PTPRD: variants seen among roughly 807,000 people sequenced by gnomAD.
The protein encoded by PTPRD is receptor-type tyrosine-protein phosphatase delta.
In PTPRD, 34 loss-of-function variants were observed where a neutral mutation model predicts 214.5. The ratio of observed to expected loss-of-function variants is 0.16; its 90% confidence interval spans 0.12 to 0.21. PTPRD has a LOEUF of 0.21. Among genes scored for constraint, PTPRD ranks in the 10% least tolerant of loss-of-function variants. The probability of loss-of-function intolerance (pLI) is 1.00; values close to 1 mark genes in which losing one functional copy is unlikely to be tolerated. For synonymous variants in PTPRD, 1,128 were observed against 845.7 expected, an observed-to-expected ratio of 1.33 and a Z score of -5.79; for missense variants, 2,545 against 2,398.7, an observed-to-expected ratio of 1.06 and a Z score of -1.27.
rs140952833 is a variant in PTPRD at position 9,145,998 on chromosome 9, G to C, written c.-143+37306C>G. On this transcript the variant is annotated intron_variant, in intron 10 of 45. Coordinates refer to ENST00000381196, the MANE Select transcript of PTPRD (RefSeq NM_002839.4). ...GGAAACAAGTGCCTGATGGCGCTTTGACCTAACTACTTCTTTGTCCACTCC... is the reference window on the plus strand; with the variant it reads ...GGAAACAAGTGCCTGATGGCGCTTTCACCTAACTACTTCTTTGTCCACTCC... Among the ~76,000 whole-genome samples the C allele has an allele frequency of 7.3e-3, 1,116 of 152,270 alleles. 15 individuals carry two copies. The highest frequency in any genetic ancestry group is 0.026 in the African/African-American group (1,084 of 41,542).
intron 10 of PTPRD, among the ~76,000 whole-genome samples, chr9:9,039,709 A>C (rs2099633302): frequency 6.6e-6 from 1 of 152,206 alleles, no homozygotes; most frequent in Non-Finnish European, 1.5e-5. Context: ...ATGCTCACCC[A>C]ACAATATTTT....
intron 11 of PTPRD, among the ~76,000 whole-genome samples, chr9:8,821,069 A>G (rs1446421355): frequency 2.0e-5 from 3 of 152,188 alleles, no homozygotes; most frequent in African/African-American, 7.2e-5. Flanking sequence ...GCATCAGAAA[A>G]TAAGTGAAAA....
chr9:8,399,824 G>C (rs2092056849), intron 36 of PTPRD, among the ~76,000 whole-genome samples: 1 of 152,164 alleles, frequency 6.6e-6, no homozygotes, highest in Admixed American at 6.5e-5. Context: ...GGGAAGAACA[G>C]CTGCCTTGAG....
chr9:9,599,450 G>A (rs651116), intron 7 of PTPRD, among the ~76,000 whole-genome samples: 1 of 151,790 alleles, frequency 6.6e-6, no homozygotes, highest in African/African-American at 2.4e-5. Context: ...CACCATAACA[G>A]TGTTGGGCTT....
chr9:9,835,610 C>G (rs993683653), intron 5 of PTPRD, among the ~76,000 whole-genome samples: 6 of 152,126 alleles, frequency 3.9e-5, no homozygotes, highest in African/African-American at 1.4e-4. Flanking sequence ...ACAAATAGCT[C>G]TTGGCCTGCA....
At chr9:10,606,366 T>G (rs1392770299) in intron 2 of PTPRD, among the ~76,000 whole-genome samples, 1 of 151,786 alleles carries the variant, frequency 6.6e-6, no homozygotes. Flanking sequence ...TGAGTAGAAT[T>G]TCTAACTTTG....
chr9:9,653,410 T>G (rs576326639), intron 7 of PTPRD, among the ~76,000 whole-genome samples: 18 of 117,232 alleles, frequency 1.5e-4, no homozygotes, highest in African/African-American at 5.2e-4. Context: ...ATTTTACGCC[T>G]AAAGAAAATA....
At chr9:8,762,676 G>A (rs1335785330) in intron 11 of PTPRD, among the ~76,000 whole-genome samples, 2 of 152,090 alleles carry the variant, frequency 1.3e-5, no homozygotes, top group African/African-American at 4.8e-5. Context: ...AATATTTATG[G>A]GTTTTCTCCT....
chr9:8,411,273 T>C lies in PTPRD; in HGVS notation c.4087-6613A>G, dbSNP rs191270203. Among the ~76,000 whole-genome samples, 186 of 152,032 alleles carry C rather than the reference T, an allele frequency of 1.2e-3. 1 individual carries two copies. Among genetic ancestry groups the C allele is most frequent in the African/African-American group, 4.4e-3 (182 of 41,534 alleles). The stretch of plus-strand genomic sequence containing the variant: ...ATTTAAATAACTAGATTTTTTACTA[T>C]ATACTTTTTTAAAATTTTTTATTTA... On this transcript the variant is annotated intron_variant, in intron 35 of 45. Transcript: ENST00000381196.
intron 2 of PTPRD, among the ~76,000 whole-genome samples, 190 bp downstream of exon 2, chr9:10,612,208 C>CAAAAAAAAA: frequency 7.9e-6 from 1 of 126,760 alleles, no homozygotes; most frequent in Non-Finnish European, 1.6e-5. Flanking sequence ...AGGGCTCTTC[C>CAAAAAAAAA]AAAAAAAAAA....
intron 5 of PTPRD, among the ~76,000 whole-genome samples, chr9:9,790,495 T>C (rs2098959640): frequency 6.6e-6 from 1 of 152,226 alleles, no homozygotes; most frequent in Non-Finnish European, 1.5e-5. Context: ...CTGCCTGATT[T>C]CAGTGGCTTT....
At chr9:9,440,014 T>A (rs1345159786) in intron 8 of PTPRD, among the ~76,000 whole-genome samples, 1 of 152,172 alleles carries the variant, frequency 6.6e-6, no homozygotes, top group African/African-American at 2.4e-5. Flanking sequence ...ACCTCCAGCT[T>A]CATGAAAGCA....
intron 7 of PTPRD, among the ~76,000 whole-genome samples, chr9:9,610,547 C>A (rs1474701638): frequency 1.3e-5 from 2 of 151,966 alleles, no homozygotes; most frequent in South Asian, 2.1e-4. Context: ...ATTAGTGAGA[C>A]CAGTATGCTA....
intron 14 of PTPRD, among the ~76,000 whole-genome samples, chr9:8,548,109 A>C (rs2080806289): frequency 6.6e-6 from 1 of 152,210 alleles, no homozygotes; most frequent in East Asian, 1.9e-4. Context: ...CATGAATATA[A>C]TTTTGATAGA....
chr9:8,322,056 T>A (rs1429140706), intron 44 of PTPRD, among the ~76,000 whole-genome samples: 1 of 152,120 alleles, frequency 6.6e-6, no homozygotes, highest in Non-Finnish European at 1.5e-5. Context: ...TGCAATTGGT[T>A]TGGGGTGCCA....
intron 3 of PTPRD, among the ~76,000 whole-genome samples, chr9:10,270,190 C>A (rs984592232): frequency 6.6e-6 from 1 of 151,992 alleles, no homozygotes; most frequent in African/African-American, 2.4e-5. Context: ...TTTTTAAAAT[C>A]TTTAATTCAT....
intron 14 of PTPRD, among the ~76,000 whole-genome samples, chr9:8,586,192 T>A (rs1191380748): frequency 6.6e-6 from 1 of 152,084 alleles, no homozygotes; most frequent in Non-Finnish European, 1.5e-5. Flanking sequence ...CCCAGCTACT[T>A]CGGAGGTTGA....
Position 8,789,558 on chromosome 9 carries a change from G to C in PTPRD, c.-103-55612C>G, listed in dbSNP as rs1284189534. On this transcript the variant is annotated intron_variant, in intron 11 of 45. Coordinates refer to ENST00000381196, the MANE Select transcript of PTPRD (RefSeq NM_002839.4). Reference sequence around the variant, plus strand: ...CTGTCTTCTTTGGTGTTTGTTTTTAGCTAGTTCAAGTTTAAATTCCGTTAT... The same window carrying C: ...CTGTCTTCTTTGGTGTTTGTTTTTACCTAGTTCAAGTTTAAATTCCGTTAT... 2.6e-5 allele frequency among the ~76,000 whole-genome samples: 4 copies of C among 152,190 alleles called. No individual in the cohort carries two copies. The East Asian group carries it at 7.7e-4, about 29-fold the overall frequency.
At chr9:9,766,886 C>G (rs551784031) in intron 5 of PTPRD, 35 bp from the exon 6 acceptor site, 4 of 152,292 alleles carry the variant, frequency 2.6e-5, no homozygotes, top group Non-Finnish European at 5.9e-5. Context: ...TATTAATATA[C>G]TTAGTAAATG....
Sources: gnomAD v4.1 joint callset for allele counts (sites outside exome capture counted in the v4.1 genomes callset) on GRCh38, gnomAD v4.1.1 for gene constraint, MANE v1.5 for transcripts, NCBI Gene and HGNC (gene_info 2026-07-23, HGNC 2026-07-21) for gene names.